Variants in TNS3 observed in about 807,000 individuals in gnomAD.
TNS3 encodes the protein tensin-3.
A neutral mutation model predicts 140.9 loss-of-function variants in TNS3; 45 were observed. The observed-to-expected ratio is 0.32, with a 90% CI of 0.25 to 0.41. The LOEUF (loss-of-function observed/expected upper bound fraction) is 0.41, where lower values mean the gene tolerates loss of function less well. Among genes scored for constraint, TNS3 ranks in the 10% least tolerant of loss-of-function variants. The pLI, the probability that TNS3 is intolerant of heterozygous loss-of-function variation, is 1.00. For missense variants in TNS3, 1,716 were observed against 1,906.7 expected, an observed-to-expected ratio of 0.90 and a Z score of 1.86; for synonymous variants, 815 against 788.4, an observed-to-expected ratio of 1.03 and a Z score of -0.56.
intron 1 of TNS3, among the ~76,000 whole-genome samples, chr7:47,542,308 G>A (rs1276063701): frequency 1.3e-5 from 2 of 152,186 alleles, no homozygotes; most frequent in Non-Finnish European, 2.9e-5. Context: ...TTACCACTGG[G>A]TGTTTCTGCA....
chr7:47,324,948 G>A (rs1787948587), intron 20 of TNS3, among the ~76,000 whole-genome samples: 1 of 151,912 alleles, frequency 6.6e-6, no homozygotes, highest in Non-Finnish European at 1.5e-5. Flanking sequence ...TGCAGCATGA[G>A]CTACAAAGGA....
chr7:47,575,145 C>T (rs1419958152), intron 1 of TNS3, among the ~76,000 whole-genome samples: 1 of 152,188 alleles, frequency 6.6e-6, no homozygotes, highest in African/African-American at 2.4e-5. Context: ...GCAAGCATAA[C>T]ACAGGATGTA....
chr7:47,347,942 A>G (rs978111666), intron 17 of TNS3, among the ~76,000 whole-genome samples: 1 of 152,148 alleles, frequency 6.6e-6, no homozygotes, highest in African/African-American at 2.4e-5. Flanking sequence ...TGAGAGTCCT[A>G]CTCACACAGC....
At chr7:47,438,594 G>A (rs1051199644) in intron 6 of TNS3, among the ~76,000 whole-genome samples, 1 of 152,144 alleles carries the variant, frequency 6.6e-6, no homozygotes, top group African/African-American at 2.4e-5. Flanking sequence ...AGACCAGAAA[G>A]AGGCAGGAGC....
intron 4 of TNS3, among the ~76,000 whole-genome samples, chr7:47,471,788 C>T (rs970333416): frequency 6.6e-5 from 10 of 152,220 alleles, no homozygotes; most frequent in African/African-American, 2.4e-4. Flanking sequence ...CCCATGTCTT[C>T]ACCCAGATGA....
In TNS3 at chr7:47,311,664, C is replaced by T. The variant is rs1429588277; in HGVS notation, c.2651-6661G>A. On this transcript the variant is annotated intron_variant, in intron 20 of 30. Transcript: ENST00000311160. ...GAGAAATACACAAAAGACAGTAAGA[C>T]ATGAGAAATGATTCTTAAAAATTCT... Among the ~76,000 whole-genome samples, 3 of 152,100 alleles carry T rather than the reference C, an allele frequency of 2.0e-5. No individual in the cohort carries two copies. In the East Asian group the frequency reaches 5.8e-4, roughly 29 times the overall value.
intron 16 of TNS3, among the ~76,000 whole-genome samples, chr7:47,373,255 A>G (rs1163940307): frequency 1.3e-5 from 2 of 152,224 alleles, no homozygotes; most frequent in Non-Finnish European, 2.9e-5. Context: ...GTTCCTGGTC[A>G]TGACATTCAG....
intron 20 of TNS3, among the ~76,000 whole-genome samples, chr7:47,308,884 C>G (rs554260128): frequency 6.6e-6 from 1 of 152,210 alleles, no homozygotes; most frequent in Non-Finnish European, 1.5e-5. Context: ...TGTCCTCCTA[C>G]CCAACGCTCA....
intron 17 of TNS3, among the ~76,000 whole-genome samples, chr7:47,347,679 A>T (rs1789425548): frequency 6.6e-6 from 1 of 151,900 alleles, no homozygotes; most frequent in South Asian, 2.1e-4. Context: ...AGATCCAAAC[A>T]CAGGTCCTTC....
intron 16 of TNS3, among the ~76,000 whole-genome samples, chr7:47,376,947 G>A (rs140797296): frequency 1.6e-3 from 250 of 152,280 alleles, no homozygotes; most frequent in South Asian, 0.012. Context: ...ATCGGGTGCT[G>A]TTCCTAGCAT....
intron 13 of TNS3, among the ~76,000 whole-genome samples, chr7:47,410,381 T>G (rs1288723853): frequency 6.6e-6 from 1 of 152,218 alleles, no homozygotes; most frequent in Non-Finnish European, 1.5e-5. Flanking sequence ...GGCAAGATGT[T>G]TATAAAGTGC....
chr7:47,397,707 G>A (rs927717374), intron 15 of TNS3, among the ~76,000 whole-genome samples: 1 of 152,114 alleles, frequency 6.6e-6, no homozygotes, highest in Non-Finnish European at 1.5e-5. Context: ...AAAGTTTATA[G>A]CACTAAATGC....
At position 47,309,556 on chromosome 7, in the gene TNS3, C is replaced by T. The variant is rs543273399; in HGVS notation, c.2651-4553G>A. ...TAAATAGGATTAATACTGCTACCCA[C>T]CACAGAGGGTTCATTAGTAGGCTAA... is the stretch of plus-strand genomic sequence containing the variant. On this transcript the variant is annotated intron_variant, in intron 20 of 30. Transcript: ENST00000311160. Among the ~76,000 whole-genome samples, 6 of 152,164 alleles carry T rather than the reference C, an allele frequency of 3.9e-5. No individual in the cohort carries two copies. In the South Asian group the frequency reaches 6.2e-4, roughly 16 times the overall value.
At chr7:47,567,030 C>CAAAAAAAAAAAAAAAAAA (rs541987899) in intron 1 of TNS3, among the ~76,000 whole-genome samples, 1 of 98,758 alleles carries the variant, frequency 1.0e-5, no homozygotes. Context: ...GACTCCATCT[C>CAAAAAAAAAAAAAAAAAA]AAAAAAAAAA....
intron 20 of TNS3, among the ~76,000 whole-genome samples, chr7:47,309,285 G>A (rs998481501): frequency 4.6e-5 from 7 of 151,638 alleles, no homozygotes; most frequent in South Asian, 4.2e-4. Flanking sequence ...ATTTAAAGAC[G>A]AACAATTCAC....
chr7:47,313,675 C>T (rs147120089), intron 20 of TNS3, among the ~76,000 whole-genome samples: 203 of 152,290 alleles, frequency 1.3e-3, no homozygotes, highest in African/African-American at 4.8e-3. Context: ...TACAGAGTCC[C>T]CGTGCCTCAA....
intron 1 of TNS3, among the ~76,000 whole-genome samples, chr7:47,567,721 G>A: frequency 6.6e-6 from 1 of 151,346 alleles, no homozygotes; most frequent in South Asian, 2.1e-4. Context: ...AGACACTTGG[G>A]TGTAAATCTG....
At chr7:47,296,635 C>T (rs921843982) in intron 24 of TNS3, among the ~76,000 whole-genome samples, 2 of 152,066 alleles carry the variant, frequency 1.3e-5, no homozygotes, top group African/African-American at 2.4e-5. Flanking sequence ...CTAAAAATGC[C>T]CTACTGGGTA....
At chr7:47,493,152 G>A (rs555375193) in intron 3 of TNS3, among the ~76,000 whole-genome samples, 29 of 152,294 alleles carry the variant, frequency 1.9e-4, no homozygotes, top group African/African-American at 6.5e-4. Context: ...AGAGTGAAGC[G>A]CAGAGCTCTG....
Sources: allele counts gnomAD v4.1 joint callset (sites outside exome capture counted in the v4.1 genomes callset), GRCh38; gene constraint gnomAD v4.1.1; transcripts MANE v1.5; gene names NCBI Gene and HGNC (gene_info 2026-07-23, HGNC 2026-07-21).